The following RTL4 variants were observed in gnomAD, a reference collection of about 807,000 sequenced individuals.
RTL4 encodes the protein retrotransposon Gag-like protein 4.
RTL4 carries 4 observed loss-of-function variants against 5.3 expected under a neutral mutation model. That is an observed-to-expected ratio of 0.75 (90% CI 0.37 to 1.72). The LOEUF is 1.72. RTL4 is among the 40% of genes most tolerant of loss of function. The probability of loss-of-function intolerance (pLI) is 0.04; values close to 1 mark genes in which losing one functional copy is unlikely to be tolerated. For missense variants in RTL4, 260 were observed against 227.1 expected, an observed-to-expected ratio of 1.14 and a Z score of -0.93; for synonymous variants, 98 against 87.3, an observed-to-expected ratio of 1.12 and a Z score of -0.68.
chrX:112,266,052 C>A, the RTL4 span, among the ~76,000 whole-genome samples: 1 of 110,683 alleles, frequency 9.0e-6, no homozygotes, highest in Non-Finnish European at 1.9e-5. Context: ...AAGATAGCCA[C>A]CATCAAGGAC....
At chrX:112,374,400 T>C in the RTL4 span, among the ~76,000 whole-genome samples, 1 of 111,750 alleles carries the variant, frequency 8.9e-6, no homozygotes, top group Non-Finnish European at 1.9e-5. Context: ...TATTATAACT[T>C]TATAGTAAAA....
chrX:112,161,778 A>G, the RTL4 span, among the ~76,000 whole-genome samples: 3 of 108,350 alleles, frequency 2.8e-5, no homozygotes, highest in Non-Finnish European at 5.7e-5. Context: ...TGGGCTTGCC[A>G]GGTTGCTTTT....
chrX:112,280,499 G>GT, the RTL4 span, among the ~76,000 whole-genome samples: 32 of 110,516 alleles, frequency 2.9e-4, no homozygotes, highest in Middle Eastern at 9.3e-3. Context: ...TTCTTTCTTT[G>GT]TTTTTTTGAG....
At chrX:112,114,215 A>G in the RTL4 span, among the ~76,000 whole-genome samples, 11,092 of 110,749 alleles carry the variant, frequency 0.1, 993 homozygotes, top group African/African-American at 0.28. Context: ...AATTCTCCTT[A>G]GTCCTTCTAT....
chrX:112,221,151 C>T, the RTL4 span, among the ~76,000 whole-genome samples: 3 of 111,489 alleles, frequency 2.7e-5, no homozygotes, highest in South Asian at 3.8e-4. Flanking sequence ...ACAATTATGG[C>T]GATAGGGAAA....
At chrX:112,252,243 A>G in the RTL4 span, among the ~76,000 whole-genome samples, 1 of 112,347 alleles carries the variant, frequency 8.9e-6, no homozygotes, top group African/African-American at 3.2e-5. Context: ...TAAGCGATTG[A>G]AAAAAGAAAA....
chrX:112,253,719 C>T, the RTL4 span, among the ~76,000 whole-genome samples: 1 of 112,279 alleles, frequency 8.9e-6, no homozygotes, highest in Admixed American at 9.4e-5. Flanking sequence ...TTTAGTTAGC[C>T]TCCTCTGAGC....
the RTL4 span, among the ~76,000 whole-genome samples, chrX:112,423,281 T>C: frequency 9.0e-6 from 1 of 110,594 alleles, no homozygotes; most frequent in African/African-American, 3.3e-5. Context: ...CAAAGCAACT[T>C]ACCGATCTCC....
the RTL4 span, among the ~76,000 whole-genome samples, chrX:112,288,887 G>C: frequency 1.8e-5 from 2 of 111,678 alleles, no homozygotes; most frequent in African/African-American, 6.5e-5. Flanking sequence ...AGTGTGGAAA[G>C]TATTATTTTT....
chrX:112,433,290 G>C, the RTL4 span, among the ~76,000 whole-genome samples: 1 of 104,170 alleles, frequency 9.6e-6, no homozygotes, highest in African/African-American at 3.6e-5. Context: ...TAGCTTGATG[G>C]GGATGGCATT....
the RTL4 span, among the ~76,000 whole-genome samples, chrX:112,132,710 T>C: frequency 8.9e-6 from 1 of 112,415 alleles, no homozygotes; most frequent in Non-Finnish European, 1.9e-5. Context: ...CCTTTTCAAA[T>C]ACAAAGTTGG....
At chrX:112,379,191 T>C in the RTL4 span, among the ~76,000 whole-genome samples, 1 of 112,430 alleles carries the variant, frequency 8.9e-6, no homozygotes, top group African/African-American at 3.2e-5. Flanking sequence ...GATAGAGCAA[T>C]AGTGCAGCTT....
chrX:112,115,852 A>AC, the RTL4 span, among the ~76,000 whole-genome samples: 2 of 112,341 alleles, frequency 1.8e-5, no homozygotes, highest in Non-Finnish European at 3.8e-5. Flanking sequence ...AGGCATTAGG[A>AC]CCCAGGAGCC....
the RTL4 span, among the ~76,000 whole-genome samples, chrX:112,367,013 C>G: frequency 9.0e-6 from 1 of 111,527 alleles, no homozygotes; most frequent in African/African-American, 3.3e-5. Flanking sequence ...TGGAGCGCAG[C>G]TGAAAAGCAA....
At chrX:112,223,735 G>A in the RTL4 span, among the ~76,000 whole-genome samples, 1 of 112,028 alleles carries the variant, frequency 8.9e-6, no homozygotes, top group Non-Finnish European at 1.9e-5. Context: ...CCTGTCCCAT[G>A]TTAAAAACTC....
the RTL4 span, among the ~76,000 whole-genome samples, chrX:112,157,025 TA>T: frequency 9.2e-5 from 10 of 109,248 alleles, no homozygotes; most frequent in Non-Finnish European, 1.7e-4. Context: ...TAAAATTTGT[TA>T]GATGCGAGTG....
At chrX:112,234,588 G>T in the RTL4 span, among the ~76,000 whole-genome samples, 1 of 111,935 alleles carries the variant, frequency 8.9e-6, no homozygotes, top group Admixed American at 9.5e-5. Flanking sequence ...TTGTACTTGG[G>T]GCAAGGGCTG....
At chrX:112,134,911 G>A in the RTL4 span, among the ~76,000 whole-genome samples, 1 of 111,905 alleles carries the variant, frequency 8.9e-6, no homozygotes, top group Non-Finnish European at 1.9e-5. Flanking sequence ...TAGATGAGCA[G>A]TATTTTATTG....
the RTL4 span, among the ~76,000 whole-genome samples, chrX:112,130,010 A>G: frequency 5.4e-5 from 6 of 111,833 alleles, no homozygotes; most frequent in Non-Finnish European, 1.1e-4. Context: ...AGAGAGATAT[A>G]TTGTTTTTAT....
Sources: gnomAD v4.1 joint callset for allele counts (sites outside exome capture counted in the v4.1 genomes callset) on GRCh38, gnomAD v4.1.1 for gene constraint, MANE v1.5 for transcripts, NCBI Gene and HGNC (gene_info 2026-07-23, HGNC 2026-07-21) for gene names.